Variants in N4BP2 observed in about 807,000 individuals in gnomAD.
N4BP2 encodes the protein NEDD4-binding protein 2.
A neutral mutation model predicts 152.8 loss-of-function variants in N4BP2; 91 were observed. The ratio of observed to expected loss-of-function variants is 0.60; its 90% CI spans 0.50 to 0.71. The LOEUF is 0.71. Among genes scored for constraint, N4BP2 ranks in the 30% least tolerant of loss-of-function variants. The pLI, the probability that N4BP2 is intolerant of heterozygous loss-of-function variation, is 0.00. For missense variants in N4BP2, 1,923 were observed against 2,059.1 expected (o/e 0.93, Z 1.28); for synonymous variants, 646 against 705.3 (o/e 0.92, Z 1.33).
In N4BP2 at chr4:40,102,068, T is replaced by C. The variant is rs767893774; in HGVS notation, c.230-7T>C. On this transcript the variant is annotated splice_region_variant and splice_polypyrimidine_tract_variant and intron_variant, in intron 3 of 17. Transcript: ENST00000261435. ...TTGTTGTTGTTATTATTCTTGTTGTTGTACAGTTGAAAATGCTATGGATTG... is the reference window on the plus strand; with the variant it reads ...TTGTTGTTGTTATTATTCTTGTTGTCGTACAGTTGAAAATGCTATGGATTG... 2 of 1,521,704 alleles carry C rather than the reference T, an allele frequency of 1.3e-6. No individual in the cohort carries two copies. Among genetic ancestry groups the C allele is most frequent in the Non-Finnish European group, 1.8e-6 (2 of 1,124,986 alleles). The allele number at this position is 1,521,704 out of a possible 1,614,324, so 94.3% of individuals were successfully genotyped here.
chr4:40,099,018 A>G (rs906049849), intron 3 of N4BP2, among the ~76,000 whole-genome samples: 2 of 152,218 alleles, frequency 1.3e-5, no homozygotes, highest in Non-Finnish European at 2.9e-5. Context: ...AATAATTAAT[A>G]TTGCAGAGAA....
chr4:40,101,531 G>T (rs1238335028), intron 3 of N4BP2, among the ~76,000 whole-genome samples: 1 of 152,082 alleles, frequency 6.6e-6, no homozygotes, highest in African/African-American at 2.4e-5. Context: ...ATCTCTATTA[G>T]ATTGCAAAGT....
the N4BP2 span, among the ~76,000 whole-genome samples, chr4:40,175,632 C>T: frequency 6.6e-6 from 1 of 151,514 alleles, no homozygotes; most frequent in East Asian, 2.0e-4. Flanking sequence ...CAAGGCAAAG[C>T]CCTGTTTCTA....
the N4BP2 span, among the ~76,000 whole-genome samples, chr4:40,186,355 G>T: frequency 6.8e-6 from 1 of 147,102 alleles, no homozygotes; most frequent in Non-Finnish European, 1.5e-5. Context: ...AACTTAGGTA[G>T]ACTTGCTCAA....
the N4BP2 span, among the ~76,000 whole-genome samples, chr4:40,170,589 G>T: frequency 3.3e-5 from 5 of 152,142 alleles, no homozygotes; most frequent in African/African-American, 1.2e-4. Flanking sequence ...GCAGTGAGCT[G>T]AGTGGTGCCA....
intron 7 of N4BP2, 90 bp from the exon 8 acceptor site, chr4:40,117,779 T>C: frequency 1.9e-6 from 2 of 1,072,076 alleles, no homozygotes; most frequent in Admixed American, 5.5e-5. Flanking sequence ...CTATTAGAAA[T>C]ATATTATTGT....
intron 15 of N4BP2, 22 bp downstream of exon 15, chr4:40,142,883 A>G (rs1219384419): frequency 2.5e-6 from 4 of 1,605,316 alleles, no homozygotes; most frequent in Non-Finnish European, 3.4e-6. Flanking sequence ...AACTGATTAT[A>G]TATTTTTTGT....
chr4:40,159,214 A>G (rs1477593598), downstream of N4BP2, among the ~76,000 whole-genome samples: 1 of 152,242 alleles, frequency 6.6e-6, no homozygotes, highest in African/African-American at 2.4e-5. Context: ...TTACTTATAA[A>G]GAGATAATAG....
chr4:40,186,458 G>A, the N4BP2 span, among the ~76,000 whole-genome samples: 1 of 152,126 alleles, frequency 6.6e-6, no homozygotes, highest in African/African-American at 2.4e-5. Flanking sequence ...GAAATATGTG[G>A]CTGGGCAGCA....
chr4:40,075,665 G>C (rs762187126), intron 2 of N4BP2, among the ~76,000 whole-genome samples: 44 of 152,106 alleles, frequency 2.9e-4, no homozygotes, highest in Non-Finnish European at 5.3e-4. Flanking sequence ...CAAAGTGCTG[G>C]GGTTACAGGC....
At chr4:40,153,886 A>C (rs900906054) in intron 17 of N4BP2, among the ~76,000 whole-genome samples, 3 of 152,188 alleles carry the variant, frequency 2.0e-5, no homozygotes, top group Non-Finnish European at 2.9e-5. Flanking sequence ...ATGATGCACC[A>C]AGGACTTTAT....
At chr4:40,139,801 C>CT (rs34370849) in intron 14 of N4BP2, among the ~76,000 whole-genome samples, 61 of 120,864 alleles carry the variant, frequency 5.0e-4, no homozygotes, top group Middle Eastern at 0.012. Flanking sequence ...TAGCATTAGG[C>CT]TTTTTTTTTT....
Position 40,157,188 on chromosome 4 carries a change from A to G in N4BP2, c.*2951A>G, listed in dbSNP as rs1721666599. On this transcript the variant is annotated 3_prime_UTR_variant, in exon 18 of 18. Coordinates refer to ENST00000261435, the MANE Select transcript of N4BP2 (RefSeq NM_018177.6). ...TTCAGTCTGTCCATCTCTTTATTCCAATGTGAGAAATGGAAGTGTTTTTTT... is the reference window on the plus strand; with the variant it reads ...TTCAGTCTGTCCATCTCTTTATTCCGATGTGAGAAATGGAAGTGTTTTTTT... The G allele has an allele frequency of 6.6e-6, 1 of 151,986 alleles. No individual in the cohort carries two copies. The highest frequency in any genetic ancestry group is 2.1e-4 in the South Asian group (1 of 4,826). The allele number at this position is 151,986 out of a possible 1,614,324, so 9.4% of individuals were successfully genotyped here. A position where few individuals can be genotyped will look rare whatever the true frequency, so the allele number is the denominator to read the frequency against.
chr4:40,172,734 C>T, the N4BP2 span, among the ~76,000 whole-genome samples: 2 of 152,310 alleles, frequency 1.3e-5, no homozygotes, highest in African/African-American at 4.8e-5. Flanking sequence ...GTAGCCCTAG[C>T]AAACTAATAC....
Position 40,121,769 on chromosome 4 carries a change from A to G in N4BP2, c.3658A>G (p.Ile1220Val), listed in dbSNP as rs1717946042. 2.5e-6 allele frequency: 4 copies of G among 1,614,002 alleles called. No homozygotes were observed. Among genetic ancestry groups the G allele is most frequent in the Non-Finnish European group, 2.5e-6 (3 of 1,180,000 alleles). ...TPENHESMTS[I>V]FPSAAVGLKN... ...TGAAAACCATGAATCGATGACAAGT[A>G]TATTTCCCAGTGCTGCTGTGGGTCT... Residue 1220 changes from isoleucine (I) to valine (V), a missense_variant, in exon 9 of 18, where the codon ATA (isoleucine) becomes GTA (valine). By Grantham distance (29) the Ile-to-Val change is conservative (BLOSUM62 3). Coordinates refer to ENST00000261435, the MANE Select transcript of N4BP2 (RefSeq NM_018177.6).
intron 4 of N4BP2, among the ~76,000 whole-genome samples, chr4:40,104,015 C>T (rs1486746876): frequency 2.0e-5 from 3 of 151,786 alleles, no homozygotes; most frequent in African/African-American, 4.8e-5. Flanking sequence ...AGTGCAGTGG[C>T]GCGATCTCGG....
At chr4:40,151,904 A>G (rs1721184355) in intron 16 of N4BP2, among the ~76,000 whole-genome samples, 1 of 152,226 alleles carries the variant, frequency 6.6e-6, no homozygotes, top group Non-Finnish European at 1.5e-5. Flanking sequence ...TAGGAGTATT[A>G]GGACAATTTA....
intron 14 of N4BP2, among the ~76,000 whole-genome samples, chr4:40,139,537 G>A (rs796117214): frequency 2.5e-4 from 37 of 149,316 alleles, no homozygotes; most frequent in African/African-American, 8.9e-4. Flanking sequence ...TGTCGCCCAG[G>A]CTGGAGTGCA....
intron 1 of N4BP2, among the ~76,000 whole-genome samples, chr4:40,063,074 A>T (rs1733787040): frequency 1.3e-5 from 2 of 152,198 alleles, no homozygotes; most frequent in Non-Finnish European, 2.9e-5. Context: ...GATAGATGAA[A>T]GTTTTCTAAG....
Sources: allele counts gnomAD v4.1 joint callset (sites outside exome capture counted in the v4.1 genomes callset), GRCh38; gene constraint gnomAD v4.1.1; transcripts MANE v1.5; gene names NCBI Gene and HGNC (gene_info 2026-07-23, HGNC 2026-07-21).